The following GSE1 variants were observed in gnomAD, a reference collection of about 807,000 sequenced individuals.
GSE1 encodes Gse1 coiled-coil protein.
GSE1 carries 32 observed loss-of-function variants against 112.6 expected under a neutral mutation model. The observed-to-expected ratio is 0.28, with a 90% CI of 0.21 to 0.38. The LOEUF (loss-of-function observed/expected upper bound fraction) is 0.38. GSE1 is among the 10% of genes least tolerant of loss of function. GSE1 has a pLI of 1.00. For synonymous variants in GSE1, 1,115 were observed against 735.6 expected (o/e 1.52, Z -8.35); for missense variants, 2,348 against 1,699.2 (o/e 1.38, Z -6.71).
chr16:85,623,530 C>A (rs1249964817), intron 1 of GSE1, among the ~76,000 whole-genome samples: 1 of 152,222 alleles, frequency 6.6e-6, no homozygotes, highest in Non-Finnish European at 1.5e-5. Flanking sequence ...AGCTCAGGAC[C>A]AAGCCCTTTT....
chr16:85,613,597 C>T (rs1186099699), intron 1 of GSE1, among the ~76,000 whole-genome samples, 199 bp downstream of exon 1: 2 of 151,640 alleles, frequency 1.3e-5, no homozygotes, highest in African/African-American at 4.8e-5. Context: ...CGGGTCGCAG[C>T]CTGGGAGGCC....
intron 1 of GSE1, among the ~76,000 whole-genome samples, chr16:85,333,740 C>A (rs1380181973): frequency 2.0e-5 from 3 of 152,182 alleles, no homozygotes; most frequent in African/African-American, 4.8e-5. Context: ...GACGCCTCTT[C>A]TGGAGATCTC....
At chr16:85,622,320 G>T (rs1388504810) in intron 1 of GSE1, among the ~76,000 whole-genome samples, 1 of 152,222 alleles carries the variant, frequency 6.6e-6, no homozygotes, top group African/African-American at 2.4e-5. Context: ...GGGCTTTGAA[G>T]ATGGGAGACG....
chr16:85,343,221 A>G (rs148957940), intron 1 of GSE1, among the ~76,000 whole-genome samples: 1 of 152,332 alleles, frequency 6.6e-6, no homozygotes, highest in African/African-American at 2.4e-5. Flanking sequence ...GCATCTCCAG[A>G]GGACCGCGCT....
intron 1 of GSE1, among the ~76,000 whole-genome samples, chr16:85,306,958 C>CCAGCGCTGTGCCCAAGCT (rs1330086285): frequency 6.6e-6 from 1 of 152,198 alleles, no homozygotes; most frequent in Non-Finnish European, 1.5e-5. Context: ...TGTGACACAT[C>CCAGCGCTGTGCCCAAGCT]CAGCGCTGTG....
chr16:85,206,082 C>G (rs1370980710), intron 1 of GSE1, among the ~76,000 whole-genome samples: 1 of 152,042 alleles, frequency 6.6e-6, no homozygotes, highest in Non-Finnish European at 1.5e-5. Flanking sequence ...AGGGAACTGA[C>G]TTCCCTGGGG....
chr16:85,315,524 A>G (rs935251765), intron 1 of GSE1, among the ~76,000 whole-genome samples: 2 of 152,048 alleles, frequency 1.3e-5, no homozygotes, highest in African/African-American at 4.8e-5. Context: ...TGCCTCCTAC[A>G]GCAAGTGCTG....
At chr16:85,242,683 C>G (rs913574109) in intron 1 of GSE1, among the ~76,000 whole-genome samples, 15 of 152,196 alleles carry the variant, frequency 9.9e-5, no homozygotes, top group African/African-American at 3.4e-4. Flanking sequence ...CGACCCCGAC[C>G]CCACTGCTCC....
intron 2 of GSE1, among the ~76,000 whole-genome samples, chr16:85,416,527 G>T (rs1341479677): frequency 6.6e-6 from 1 of 152,166 alleles, no homozygotes; most frequent in Non-Finnish European, 1.5e-5. Flanking sequence ...GTGGGATGCG[G>T]TGTGCCCACT....
chr16:85,471,923 C>T (rs2050307909), intron 2 of GSE1, among the ~76,000 whole-genome samples: 1 of 152,216 alleles, frequency 6.6e-6, no homozygotes, highest in Non-Finnish European at 1.5e-5. Context: ...CCTGTGGTGG[C>T]CCCTCATGGG....
At chr16:85,443,618 G>A (rs1414395396) in intron 2 of GSE1, among the ~76,000 whole-genome samples, 3 of 152,250 alleles carry the variant, frequency 2.0e-5, no homozygotes, top group Non-Finnish European at 4.4e-5. Flanking sequence ...GCTTCCTGCT[G>A]TTCCCGTGGC....
chr16:85,463,736 C>G (rs1237769103), intron 2 of GSE1, among the ~76,000 whole-genome samples: 1 of 152,224 alleles, frequency 6.6e-6, no homozygotes, highest in Non-Finnish European at 1.5e-5. Flanking sequence ...AGTTAGGCAG[C>G]GAGAGGGTAA....
chr16:85,356,014 G>A (rs563780708), intron 1 of GSE1, among the ~76,000 whole-genome samples: 78 of 152,262 alleles, frequency 5.1e-4, no homozygotes, highest in African/African-American at 1.9e-3. Flanking sequence ...GTGACAGAGT[G>A]AGACTCCATC....
At chr16:85,504,015 C>A (rs911138899) in intron 2 of GSE1, among the ~76,000 whole-genome samples, 3 of 152,196 alleles carry the variant, frequency 2.0e-5, no homozygotes, top group African/African-American at 7.2e-5. Flanking sequence ...GGGCTGCCGA[C>A]CCTGCAGAAA....
intron 2 of GSE1, among the ~76,000 whole-genome samples, chr16:85,477,657 T>C (rs1345772061): frequency 6.7e-6 from 1 of 148,834 alleles, no homozygotes; most frequent in African/African-American, 2.5e-5. Context: ...ACCTGCTGGG[T>C]TCAAGTGATT....
At chr16:85,614,434 C>T (rs557798019) in intron 1 of GSE1, among the ~76,000 whole-genome samples, 1 of 152,378 alleles carries the variant, frequency 6.6e-6, no homozygotes, top group South Asian at 2.1e-4. Context: ...CTCCCCTCCC[C>T]AGCGCCGGGT....
At chr16:85,403,548 G>C (rs939537223) in intron 2 of GSE1, among the ~76,000 whole-genome samples, 2 of 152,126 alleles carry the variant, frequency 1.3e-5, no homozygotes, top group Non-Finnish European at 2.9e-5. Flanking sequence ...CCAGCACTTT[G>C]GGAGGCTGAG....
intron 1 of GSE1, among the ~76,000 whole-genome samples, chr16:85,281,810 T>C (rs2044866369): frequency 6.6e-6 from 1 of 152,094 alleles, no homozygotes; most frequent in Admixed American, 6.5e-5. Flanking sequence ...AAGCTTATCA[T>C]TGCCACTCTT....
intron 2 of GSE1, among the ~76,000 whole-genome samples, chr16:85,639,753 G>A (rs982309559): frequency 1.3e-5 from 2 of 152,224 alleles, no homozygotes; most frequent in Non-Finnish European, 2.9e-5. Flanking sequence ...CTCCACCGCC[G>A]CCCCCACTGC....
Sources: allele counts gnomAD v4.1 joint callset (sites outside exome capture counted in the v4.1 genomes callset), GRCh38; gene constraint gnomAD v4.1.1; transcripts MANE v1.5; gene names NCBI Gene and HGNC (gene_info 2026-07-23, HGNC 2026-07-21).